The following CSMD1 variants were observed in gnomAD, a reference collection of about 807,000 sequenced individuals.
The protein encoded by CSMD1 is CUB and sushi domain-containing protein 1.
Under a neutral mutation model 417.5 loss-of-function variants are expected in CSMD1, and 213 were observed. That is an observed-to-expected ratio of 0.51 (90% CI 0.46 to 0.57). CSMD1 has a LOEUF of 0.57. Ranked by LOEUF, CSMD1 falls within the 20% of genes least tolerant of loss-of-function variation. The pLI is 0.00. For synonymous variants in CSMD1, 2,862 were observed against 1,736.8 expected, an observed-to-expected ratio of 1.65 and a Z score of -16.11; for missense variants, 6,923 against 4,529.7, an observed-to-expected ratio of 1.53 and a Z score of -15.17.
At position 4,753,415 on chromosome 8, in the gene CSMD1, A is replaced by C. The variant is rs1207825513; in HGVS notation, c.86-115857T>G. ...TTTCCACCATAAACCACACACACAC[A>C]CACACACACACACACACACACACAC... is the stretch of plus-strand genomic sequence containing the variant. On this transcript the variant is annotated intron_variant, in intron 1 of 69. Coordinates refer to ENST00000635120, the MANE Select transcript of CSMD1 (RefSeq NM_033225.6). Among the ~76,000 whole-genome samples, 285 of 50,114 alleles carry C rather than the reference A, an allele frequency of 5.7e-3. 4 individuals carry two copies. Among genetic ancestry groups the C allele is most frequent in the Middle Eastern group, 0.02 (2 of 102 alleles). 32.9% of individuals were successfully genotyped at this position (50,114 alleles called of 152,430 possible). A position where few individuals can be genotyped will look rare whatever the true frequency, so the allele number is the denominator to read the frequency against.
At chr8:4,904,277 C>G (rs1032687732) in intron 1 of CSMD1, among the ~76,000 whole-genome samples, 1 of 152,102 alleles carries the variant, frequency 6.6e-6, no homozygotes, top group Non-Finnish European at 1.5e-5. Flanking sequence ...ATTTTAGGAA[C>G]AATGAAAGTA....
intron 23 of CSMD1, among the ~76,000 whole-genome samples, chr8:3,322,518 G>C (rs1330654724): frequency 6.6e-6 from 1 of 152,178 alleles, no homozygotes; most frequent in Admixed American, 6.5e-5. Flanking sequence ...AGAAGAGAGA[G>C]CTAATCCATG....
At chr8:3,000,232 G>T (rs145181516) in intron 52 of CSMD1, 101 bp from the exon 53 acceptor site, 5 of 629,178 alleles carry the variant, frequency 7.9e-6, no homozygotes, top group Non-Finnish European at 1.2e-5. Context: ...TATTGAAGGC[G>T]CAACATATTG....
intron 7 of CSMD1, among the ~76,000 whole-genome samples, chr8:3,694,977 T>G (rs917006249): frequency 6.6e-6 from 1 of 151,954 alleles, no homozygotes; most frequent in Admixed American, 6.6e-5. Context: ...AATTGTATCC[T>G]ACCTGAGTTT....
chr8:3,982,780 G>A (rs974799035), intron 5 of CSMD1, among the ~76,000 whole-genome samples: 3 of 152,278 alleles, frequency 2.0e-5, no homozygotes, highest in East Asian at 3.9e-4. Context: ...GACAGGGCCA[G>A]AACGAGGGCA....
At chr8:4,811,002 A>C (rs1448655259) in intron 1 of CSMD1, among the ~76,000 whole-genome samples, 1 of 152,178 alleles carries the variant, frequency 6.6e-6, no homozygotes, top group East Asian at 1.9e-4. Context: ...TAAGAGTTTC[A>C]TTTTCTGTAC....
At chr8:3,737,128 T>G (rs987561314) in intron 6 of CSMD1, among the ~76,000 whole-genome samples, 8 of 152,252 alleles carry the variant, frequency 5.3e-5, no homozygotes, top group Non-Finnish European at 1.2e-4. Flanking sequence ...TATTTTAATC[T>G]TAAATTAGAT....
At chr8:4,463,724 G>A (rs1321256045) in intron 2 of CSMD1, among the ~76,000 whole-genome samples, 1 of 152,140 alleles carries the variant, frequency 6.6e-6, no homozygotes, top group Non-Finnish European at 1.5e-5. Context: ...AAATAAATTA[G>A]TGTTTCCTTT....
intron 3 of CSMD1, among the ~76,000 whole-genome samples, chr8:4,268,016 G>A (rs981029302): frequency 2.0e-5 from 3 of 152,070 alleles, no homozygotes; most frequent in African/African-American, 4.8e-5. Flanking sequence ...ATAGGAATAA[G>A]ACATATATAC....
At chr8:4,328,242 ATTTTTTTTTT>A (rs3067534) in intron 3 of CSMD1, among the ~76,000 whole-genome samples, 26 of 124,700 alleles carry the variant, frequency 2.1e-4, no homozygotes, top group Admixed American at 3.4e-4. Flanking sequence ...ACTCAATACA[ATTTTTTTTTT>A]TTTTTTTTTT....
intron 11 of CSMD1, among the ~76,000 whole-genome samples, chr8:3,481,640 C>T (rs1175517114): frequency 1.3e-5 from 2 of 152,124 alleles, no homozygotes; most frequent in African/African-American, 4.8e-5. Flanking sequence ...TGTAGGTGGG[C>T]CCTAAATGCC....
chr8:4,126,154 C>G (rs975350358), intron 3 of CSMD1, among the ~76,000 whole-genome samples: 2 of 152,130 alleles, frequency 1.3e-5, no homozygotes, highest in Non-Finnish European at 2.9e-5. Flanking sequence ...CAGCACTACC[C>G]ACTTCCCAAG....
rs970183052 is a variant in CSMD1, at chr8:3,157,923, C to T, written c.5888G>A (p.Trp1963Ter). Residue 1963 changes from tryptophan (W) to a stop codon, truncating the protein, a stop_gained, in exon 39 of 70, where the codon TGG (tryptophan) becomes TAG (stop). Coordinates refer to ENST00000635120, the MANE Select transcript of CSMD1 (RefSeq NM_033225.6). LOFTEE classifies it high-confidence loss of function. Reference protein sequence around the residue: ...ISCMPGTVRRWNYPSPLCIAT... With the variant: ...ISCMPGTVRR ...AATGCACAGGGGAGACGGATAGTTC[C>T]AACGGCGAACGGTCCCTGGCATACA... The T allele has an allele frequency of 1.3e-6, 2 of 1,554,726 alleles. No individual in the cohort carries two copies. Among genetic ancestry groups the T allele is most frequent in the African/African-American group, 1.4e-5 (1 of 73,134 alleles).
chr8:3,942,666 GATTT>G (rs1810962057), intron 5 of CSMD1, among the ~76,000 whole-genome samples: 1 of 152,118 alleles, frequency 6.6e-6, no homozygotes, highest in Non-Finnish European at 1.5e-5. Flanking sequence ...AACTGTTTAT[GATTT>G]ATAGGTCCTT....
chr8:3,151,988 G>A (rs1378071424), intron 39 of CSMD1, among the ~76,000 whole-genome samples: 2 of 152,186 alleles, frequency 1.3e-5, no homozygotes, highest in African/African-American at 4.8e-5. Context: ...ACCAAGCCTG[G>A]AAGAGATGAA....
intron 7 of CSMD1, among the ~76,000 whole-genome samples, chr8:3,645,012 C>T (rs968132731): frequency 1.4e-5 from 2 of 143,574 alleles, no homozygotes; most frequent in African/African-American, 5.6e-5. Flanking sequence ...CTTTCAAACT[C>T]GCATTTCTTC....
intron 1 of CSMD1, among the ~76,000 whole-genome samples, chr8:4,742,755 G>C (rs1009045217): frequency 4.6e-5 from 7 of 152,088 alleles, no homozygotes; most frequent in Non-Finnish European, 7.4e-5. Context: ...CAAATGTATG[G>C]TCTATTAAAT....
chr8:4,959,554 C>T (rs111683866), intron 1 of CSMD1, among the ~76,000 whole-genome samples: 170 of 152,354 alleles, frequency 1.1e-3, no homozygotes, highest in African/African-American at 3.8e-3. Context: ...ACTCTGGTCA[C>T]GGCACTATAA....
chr8:3,219,466 G>C (rs1011843392), intron 28 of CSMD1, 24 bp from the exon 29 acceptor site: 1 of 1,397,168 alleles, frequency 7.2e-7, no homozygotes, highest in South Asian at 1.5e-5. Flanking sequence ...TAGTAATTAT[G>C]TCATACGGCT....
Sources: gnomAD v4.1 joint callset for allele counts (sites outside exome capture counted in the v4.1 genomes callset) on GRCh38, gnomAD v4.1.1 for gene constraint, MANE v1.5 for transcripts, NCBI Gene and HGNC (gene_info 2026-07-23, HGNC 2026-07-21) for gene names.